Variants in ZNF354B observed in about 807,000 individuals in gnomAD.
ZNF354B encodes the protein zinc finger protein 354B.
A neutral mutation model predicts 12.9 loss-of-function variants in ZNF354B; 10 were observed. The observed-to-expected ratio is 0.77, with a 90% CI of 0.48 to 1.31. ZNF354B has a LOEUF of 1.31. Ranked by LOEUF, ZNF354B falls within the 40% of genes most tolerant of loss-of-function variation. The probability of loss-of-function intolerance (pLI) is 0.00; values close to 1 mark genes in which losing one functional copy is unlikely to be tolerated. For missense variants in ZNF354B, 614 were observed against 711.7 expected (o/e 0.86, Z 1.56); for synonymous variants, 260 against 243.7 (o/e 1.07, Z -0.62).
At chr5:178,862,864 T>C (rs1429853135) in intron 2 of ZNF354B, among the ~76,000 whole-genome samples, 1 of 152,226 alleles carries the variant, frequency 6.6e-6, no homozygotes, top group Non-Finnish European at 1.5e-5. Flanking sequence ...TCCTGTCTGT[T>C]CTTGCTTGCC....
chr5:178,866,399 A>G (rs1757456204), intron 3 of ZNF354B, 29 bp downstream of exon 3: 1 of 1,596,550 alleles, frequency 6.3e-7, no homozygotes, highest in South Asian at 1.1e-5. Context: ...TAGAAACAGA[A>G]TTCAAAAATT....
intron 2 of ZNF354B, among the ~76,000 whole-genome samples, chr5:178,864,805 T>C (rs1757420853): frequency 6.6e-6 from 1 of 152,040 alleles, no homozygotes. Context: ...TGTATTTTTG[T>C]AGAGACAGGG....
chr5:178,880,061 G>C (rs548354236), intron 4 of ZNF354B, among the ~76,000 whole-genome samples: 163 of 152,278 alleles, frequency 1.1e-3, no homozygotes, highest in African/African-American at 3.7e-3. Context: ...AGGAGGTGGA[G>C]GTTGCAGTGA....
At chr5:178,863,860 A>AT (rs1191213805) in intron 2 of ZNF354B, among the ~76,000 whole-genome samples, 7 of 152,120 alleles carry the variant, frequency 4.6e-5, no homozygotes, top group African/African-American at 1.4e-4. Flanking sequence ...TAACAAAAAA[A>AT]TTTTTAAAGT....
chr5:178,866,385 C>T lies in ZNF354B; in HGVS notation c.160+15C>T. 6 of 1,601,400 alleles carry T rather than the reference C, an allele frequency of 3.7e-6. No homozygotes were observed. Among genetic ancestry groups the T allele is most frequent in the Non-Finnish European group, 5.1e-6 (6 of 1,173,924 alleles). On this transcript the variant is annotated intron_variant, in intron 3 of 4. Transcript: ENST00000322434. ...GGTCTCACTGGGTAAGGAAATTTCC[C>T]CTCTAGAAACAGAATTCAAAAATTG...
rs573380933 is a variant in ZNF354B at position 178,878,693 on chromosome 5, G to GTTTGT, written c.257-3997_257-3993dup. Among the ~76,000 whole-genome samples, 194 of 152,064 alleles carry GTTTGT rather than the reference G, an allele frequency of 1.3e-3. 1 individual carries two copies. Among genetic ancestry groups the GTTTGT allele is most frequent in the African/African-American group, 4.4e-3 (183 of 41,496 alleles). ...AAATTTTCCACTTGGAGGTTTTTTT[G>GTTTGT]TTTGTTTTGTTTTGTTTTGTTTTTT... On this transcript the variant is annotated intron_variant, in intron 4 of 4. Transcript: ENST00000322434.
chr5:178,875,896 C>A (rs980705291), intron 4 of ZNF354B, among the ~76,000 whole-genome samples: 5 of 152,112 alleles, frequency 3.3e-5, no homozygotes, highest in African/African-American at 9.7e-5. Context: ...TCAGGGAAGA[C>A]AGAGCCACTA....
At chr5:178,875,119 C>T (rs1757618105) in intron 4 of ZNF354B, among the ~76,000 whole-genome samples, 1 of 152,168 alleles carries the variant, frequency 6.6e-6, no homozygotes, top group Non-Finnish European at 1.5e-5. Context: ...TGCAGCCGTG[C>T]CCCTCAGTGC....
chr5:178,882,748 C>T lies in ZNF354B; in HGVS notation c.296C>T (p.Thr99Ile). The part of the protein sequence containing the change: ...STPKMTKSTQ[T>I]QDSFQEQIRK... ...CCTAAAATGACAAAGTCAACTCAAA[C>T]TCAGGATTCATTTCAGGAGCAGATA... Residue 99 changes from threonine to isoleucine, a missense_variant, in exon 5 of 5, where the codon ACT (threonine) becomes ATT (isoleucine). Coordinates refer to ENST00000322434, the MANE Select transcript of ZNF354B (RefSeq NM_058230.3). The T allele has an allele frequency of 6.4e-7, 1 of 1,573,324 alleles. No individual in the cohort carries two copies.
chr5:178,876,755 T>C (rs1216666709), intron 4 of ZNF354B, among the ~76,000 whole-genome samples: 3 of 152,326 alleles, frequency 2.0e-5, no homozygotes, highest in East Asian at 1.9e-4. Flanking sequence ...TTTCTTTTTA[T>C]TGATACTTCG....
At chr5:178,873,168 T>C (rs528467191) in intron 4 of ZNF354B, among the ~76,000 whole-genome samples, 1 of 152,352 alleles carries the variant, frequency 6.6e-6, no homozygotes, top group Admixed American at 6.5e-5. Context: ...ACTGTTGAGT[T>C]TTGAAAGATC....
intron 4 of ZNF354B, among the ~76,000 whole-genome samples, chr5:178,876,743 G>C (rs1398601137): frequency 2.0e-5 from 3 of 151,734 alleles, no homozygotes; most frequent in Admixed American, 2.0e-4. Flanking sequence ...GTTTCTTTTT[G>C]TTTTCTTTTT....
intron 2 of ZNF354B, among the ~76,000 whole-genome samples, chr5:178,861,923 C>T (rs1343305855): frequency 6.6e-6 from 1 of 152,118 alleles, no homozygotes; most frequent in Admixed American, 6.6e-5. Context: ...GGAAAGTGTT[C>T]GGATCAGGGC....
chr5:178,880,720 C>T (rs1034437816), intron 4 of ZNF354B, among the ~76,000 whole-genome samples: 1 of 151,772 alleles, frequency 6.6e-6, no homozygotes, highest in Non-Finnish European at 1.5e-5. Context: ...ATCTCGAACT[C>T]CTAGGCTCAA....
At chr5:178,863,615 T>A (rs924023521) in intron 2 of ZNF354B, among the ~76,000 whole-genome samples, 1 of 152,270 alleles carries the variant, frequency 6.6e-6, no homozygotes, top group African/African-American at 2.4e-5. Context: ...CTATTCTTGT[T>A]ATTTTACAGT....
At chr5:178,873,451 T>C (rs968549271) in intron 4 of ZNF354B, among the ~76,000 whole-genome samples, 1 of 152,226 alleles carries the variant, frequency 6.6e-6, no homozygotes, top group African/African-American at 2.4e-5. Context: ...ATGACACTTT[T>C]TGAGTTAATT....
Position 178,882,758 on chromosome 5 carries a change from A to G in ZNF354B, c.306A>G (p.Ser102=), listed in dbSNP as rs1443170348. ...KMTKSTQTQD[S]FQEQIRKRLK... ...CAAAGTCAACTCAAACTCAGGATTCATTTCAGGAGCAGATAAGGAAAAGAT... is the reference window on the plus strand; with the variant it reads ...CAAAGTCAACTCAAACTCAGGATTCGTTTCAGGAGCAGATAAGGAAAAGAT... The change falls in exon 5 of 5, where the codon TCA becomes TCG. Residue 102 remains serine (S), a synonymous_variant. Coordinates refer to ENST00000322434, the MANE Select transcript of ZNF354B (RefSeq NM_058230.3). 1 of 1,579,630 alleles carries G rather than the reference A, an allele frequency of 6.3e-7. No homozygotes were observed. Among genetic ancestry groups the G allele is most frequent in the African/African-American group, 1.4e-5 (1 of 72,626 alleles).
At chr5:178,870,448 T>G (rs993213811) in intron 4 of ZNF354B, among the ~76,000 whole-genome samples, 1 of 152,230 alleles carries the variant, frequency 6.6e-6, no homozygotes, top group Non-Finnish European at 1.5e-5. Context: ...GGCTAATTTT[T>G]GGCATTTTTT....
At chr5:178,876,784 T>G (rs973130581) in intron 4 of ZNF354B, among the ~76,000 whole-genome samples, 6 of 152,244 alleles carry the variant, frequency 3.9e-5, no homozygotes, top group Admixed American at 1.3e-4. Flanking sequence ...ATTATTTTCA[T>G]GAGTCATTCA....
Sources: allele counts gnomAD v4.1 joint callset (sites outside exome capture counted in the v4.1 genomes callset), GRCh38; gene constraint gnomAD v4.1.1; transcripts MANE v1.5; gene names NCBI Gene and HGNC (gene_info 2026-07-23, HGNC 2026-07-21).